Variants in FBXL5 observed in about 807,000 individuals in gnomAD.
FBXL5 encodes F-box and leucine rich repeat protein 5, also known as F-box/LRR-repeat protein 5.
In FBXL5, 26 loss-of-function variants were observed where a neutral mutation model predicts 78.3. The observed-to-expected ratio is 0.33, with a 90% CI of 0.24 to 0.46. FBXL5 has a LOEUF of 0.46. Ranked by LOEUF, FBXL5 falls within the 20% of genes least tolerant of loss-of-function variation. The pLI is 1.00. For synonymous variants in FBXL5, 295 were observed against 282.5 expected (o/e 1.04, Z -0.45); for missense variants, 710 against 829.2 (o/e 0.86, Z 1.77).
chr4:15,628,296 T>A (rs969018865), intron 6 of FBXL5, among the ~76,000 whole-genome samples: 2 of 152,118 alleles, frequency 1.3e-5, no homozygotes, highest in African/African-American at 4.8e-5. Flanking sequence ...TGATTCCACA[T>A]AACTAAAAAG....
intron 7 of FBXL5, among the ~76,000 whole-genome samples, chr4:15,627,237 C>G (rs773134985): frequency 6.7e-6 from 1 of 149,916 alleles, no homozygotes; most frequent in Admixed American, 6.7e-5. Context: ...CGGGTTCAAG[C>G]GATTCTTCTG....
intron 9 of FBXL5, among the ~76,000 whole-genome samples, chr4:15,622,277 T>C (rs987887622): frequency 6.6e-6 from 1 of 152,260 alleles, no homozygotes; most frequent in African/African-American, 2.4e-5. Flanking sequence ...AATTAAGTTG[T>C]ATGTTTACAT....
rs756049105 is a variant in FBXL5, at chr4:15,625,408, T to G, written c.1694A>C (p.Glu565Ala). The change falls in exon 9 of 11, where the codon GAA becomes GCA. Residue 565 changes from glutamate (E) to alanine (A), a missense_variant. Glu to Ala is a moderately radical substitution (Grantham distance 107, BLOSUM62 -1). Coordinates refer to ENST00000341285, the MANE Select transcript of FBXL5 (RefSeq NM_012161.4). Reference sequence around the variant, plus strand: ...TGCTTTTCTACACATTGCAGAAGATTCTGGGAGTGATGACATAGTTCTTAA... The same window carrying G: ...TGCTTTTCTACACATTGCAGAAGATGCTGGGAGTGATGACATAGTTCTTAA... ...TALRTMSSLPESSAMCRKAAR... is the reference protein window; with the variant it reads ...TALRTMSSLPASSAMCRKAAR... The G allele has an allele frequency of 2.5e-5, 41 of 1,614,152 alleles. No individual in the cohort carries two copies. In the South Asian group the frequency reaches 4.5e-4, roughly 18 times the overall value.
intron 3 of FBXL5, among the ~76,000 whole-genome samples, chr4:15,639,785 G>C (rs1267405588): frequency 6.6e-6 from 1 of 152,060 alleles, no homozygotes; most frequent in Non-Finnish European, 1.5e-5. Flanking sequence ...TGTCTGAAAA[G>C]GTCTTAAAAT....
Position 15,638,714 on chromosome 4 carries a change from C to T in FBXL5, c.397-20G>A. 6.7e-7 allele frequency: 1 copy of T among 1,482,536 alleles called. No homozygotes were observed. Among genetic ancestry groups the T allele is most frequent in the Non-Finnish European group, 9.2e-7 (1 of 1,085,864 alleles). 91.8% of individuals were successfully genotyped at this position (1,482,536 alleles called of 1,614,324 possible). On this transcript the variant is annotated intron_variant, in intron 3 of 10. Transcript: ENST00000341285. ...AAAAACCTAAATTAAACAAAATATT[C>T]ACGAGGAAAGATGCTTCATTCGTGT... is the stretch of plus-strand genomic sequence containing the variant.
At chr4:15,639,583 G>T (rs114048884) in intron 3 of FBXL5, among the ~76,000 whole-genome samples, 1 of 152,160 alleles carries the variant, frequency 6.6e-6, no homozygotes, top group Non-Finnish European at 1.5e-5. Flanking sequence ...ATCTTTAGAG[G>T]TTGGAAACAA....
chr4:15,658,169 G>A (rs1717108194), upstream of FBXL5, among the ~76,000 whole-genome samples: 2 of 152,202 alleles, frequency 1.3e-5, no homozygotes, highest in African/African-American at 2.4e-5. Context: ...ATTTCACTCC[G>A]TTTGAGTATG....
chr4:15,661,928 A>C (rs999917150), upstream of FBXL5, among the ~76,000 whole-genome samples: 1 of 152,204 alleles, frequency 6.6e-6, no homozygotes, highest in Admixed American at 6.5e-5. Flanking sequence ...AGGCTGTTAG[A>C]ATAAGGACCT....
chr4:15,646,954 G>A (rs1465779809), intron 1 of FBXL5, among the ~76,000 whole-genome samples: 2 of 151,914 alleles, frequency 1.3e-5, no homozygotes, highest in Non-Finnish European at 2.9e-5. Context: ...TGGGCATGGT[G>A]GCTCACACCT....
intron 10 of FBXL5, among the ~76,000 whole-genome samples, chr4:15,606,438 T>G (rs1721892404): frequency 6.6e-6 from 1 of 152,056 alleles, no homozygotes; most frequent in Non-Finnish European, 1.5e-5. Context: ...AAAAAAAATC[T>G]GTGGAATAAC....
At chr4:15,615,428 A>C (rs1191565825) in intron 9 of FBXL5, among the ~76,000 whole-genome samples, 1 of 139,340 alleles carries the variant, frequency 7.2e-6, no homozygotes, top group African/African-American at 2.7e-5. Context: ...AGGGATTGTA[A>C]ACACACCAAT....
intron 9 of FBXL5, among the ~76,000 whole-genome samples, chr4:15,624,662 GAAAAGA>G (rs993231670): frequency 1.5e-5 from 2 of 135,554 alleles, no homozygotes; most frequent in African/African-American, 5.5e-5. Context: ...AAAAAAAACA[GAAAAGA>G]AAATGTAGAA....
chr4:15,617,545 C>CAAAAA (rs34036474), intron 9 of FBXL5, among the ~76,000 whole-genome samples: 2 of 114,270 alleles, frequency 1.8e-5, no homozygotes, highest in South Asian at 2.9e-4. Context: ...CTCCATGTCT[C>CAAAAA]AAAAAAAAAA....
In FBXL5 at chr4:15,610,616, C is replaced by T. The variant is rs982178506; in HGVS notation, c.1999+1650G>A. Among the ~76,000 whole-genome samples the T allele has an allele frequency of 4.6e-5, 7 of 152,088 alleles. No individual in the cohort carries two copies. The South Asian group carries it at 1.0e-3, about 22-fold the overall frequency. On this transcript the variant is annotated intron_variant, in intron 10 of 10. Transcript: ENST00000341285. ...AAAGTGCAAAAGATTTTAATTATTT[C>T]ATTTTATCCCATCATCTAAATTATT...
At chr4:15,630,921 GTT>G in intron 5 of FBXL5, 130 bp from the exon 6 acceptor site, 1 of 1,128,032 alleles carries the variant, frequency 8.9e-7, no homozygotes, top group Non-Finnish European at 1.2e-6. Context: ...ATAAGCAACT[GTT>G]TTTTTTTAAT....
intron 10 of FBXL5, among the ~76,000 whole-genome samples, chr4:15,610,240 T>C (rs1354680007): frequency 6.6e-6 from 1 of 152,088 alleles, no homozygotes; most frequent in Non-Finnish European, 1.5e-5. Context: ...TAACACTTTC[T>C]AGGTTGTCCA....
rs1457784559 is a variant in FBXL5, at chr4:15,605,683, G to C, written c.*40C>G. ...GAGTAAAGTGCATGAAAGAAAGCCT[G>C]CTCAGCTAAATGAAGTAGACAAAGA... On this transcript the variant is annotated 3_prime_UTR_variant, in exon 11 of 11. Transcript: ENST00000341285. 2 of 1,569,450 alleles carry C rather than the reference G, an allele frequency of 1.3e-6. No individual in the cohort carries two copies. The highest frequency in any genetic ancestry group is 1.8e-6 in the Non-Finnish European group (2 of 1,141,116).
chr4:15,626,054 A>G, intron 8 of FBXL5, 77 bp from the exon 9 acceptor site: 1 of 1,267,080 alleles, frequency 7.9e-7, no homozygotes, highest in Non-Finnish European at 1.1e-6. Flanking sequence ...ATGTAGATGA[A>G]AACCAGAAGA....
chr4:15,665,509 T>G (rs935470327), intron 1 of FBXL5, among the ~76,000 whole-genome samples: 7 of 152,180 alleles, frequency 4.6e-5, no homozygotes, highest in African/African-American at 1.7e-4. Flanking sequence ...ATTTGCGAGA[T>G]GTATCTAAAA....
Sources: allele counts gnomAD v4.1 joint callset (sites outside exome capture counted in the v4.1 genomes callset), GRCh38; gene constraint gnomAD v4.1.1; transcripts MANE v1.5; gene names NCBI Gene and HGNC (gene_info 2026-07-23, HGNC 2026-07-21).